Variants in TRPM3 observed in about 807,000 individuals in gnomAD.
TRPM3 encodes the protein long transient receptor potential channel 3.
TRPM3 carries 77 observed loss-of-function variants against 181.2 expected under a neutral mutation model. The observed-to-expected ratio is 0.42, with a 90% CI of 0.35 to 0.51. The LOEUF is 0.51. TRPM3 is among the 20% of genes least tolerant of loss of function. The pLI is 0.01. For synonymous variants in TRPM3, 745 were observed against 796.4 expected, an observed-to-expected ratio of 0.94 and a Z score of 1.09; for missense variants, 1,759 against 2,196.7, an observed-to-expected ratio of 0.80 and a Z score of 3.98.
chr9:71,314,454 A>G (rs1298852350), intron 1 of TRPM3, among the ~76,000 whole-genome samples: 4 of 152,160 alleles, frequency 2.6e-5, no homozygotes, highest in African/African-American at 9.7e-5. Flanking sequence ...TTCTTTTAAA[A>G]TTGGGAAAAT....
chr9:71,173,869 CAA>C (rs2076982467), intron 1 of TRPM3, among the ~76,000 whole-genome samples: 1 of 152,150 alleles, frequency 6.6e-6, no homozygotes, highest in Non-Finnish European at 1.5e-5. Flanking sequence ...TGTTAAAGGA[CAA>C]TGAATTTGGC....
chr9:70,533,928 A>G lies in TRPM3; in HGVS notation c.*2025T>C, dbSNP rs1165708234. On this transcript the variant is annotated 3_prime_UTR_variant, in exon 26 of 26. Coordinates refer to ENST00000677713, the MANE Select transcript of TRPM3 (RefSeq NM_001366145.2). ...GTTTTTTATCTTATATTTAAAGGCC[A>G]TGTATTTACTTGATTTCACAAAATA... The G allele has an allele frequency of 6.6e-6, 1 of 152,216 alleles. No individual in the cohort carries two copies. The highest frequency in any genetic ancestry group is 2.4e-5 in the African/African-American group (1 of 41,462). 9.4% of individuals were successfully genotyped at this position (152,216 alleles called of 1,614,324 possible). A position where few individuals can be genotyped will look rare whatever the true frequency, so the allele number is the denominator to read the frequency against.
intron 1 of TRPM3, among the ~76,000 whole-genome samples, chr9:71,155,740 C>T (rs1236254231): frequency 6.6e-6 from 1 of 151,914 alleles, no homozygotes; most frequent in African/African-American, 2.4e-5. Context: ...AGCAAAGATG[C>T]CAACAATACA....
intron 1 of TRPM3, among the ~76,000 whole-genome samples, chr9:70,988,078 A>T (rs2097438819): frequency 6.6e-6 from 1 of 152,184 alleles, no homozygotes; most frequent in African/African-American, 2.4e-5. Context: ...TTGGTAAAGT[A>T]AGCAAGCTTA....
chr9:71,202,994 A>T (rs758590877), intron 1 of TRPM3, among the ~76,000 whole-genome samples: 68 of 152,204 alleles, frequency 4.5e-4, no homozygotes, highest in Non-Finnish European at 8.4e-4. Context: ...AAATAATACT[A>T]TAGCATTCCC....
intron 1 of TRPM3, among the ~76,000 whole-genome samples, chr9:71,359,229 C>T (rs963758190): frequency 3.3e-5 from 5 of 152,098 alleles, no homozygotes; most frequent in South Asian, 2.1e-4. Flanking sequence ...ACAATCTGTT[C>T]GGTGAAGAGT....
intron 1 of TRPM3, among the ~76,000 whole-genome samples, chr9:70,947,363 C>G (rs528327670): frequency 1.3e-5 from 2 of 152,304 alleles, no homozygotes; most frequent in African/African-American, 2.4e-5. Flanking sequence ...TAGGTCAAAG[C>G]CTGTGCTCTA....
At chr9:70,799,736 T>C (rs2088344419) in intron 6 of TRPM3, among the ~76,000 whole-genome samples, 1 of 152,238 alleles carries the variant, frequency 6.6e-6, no homozygotes, top group East Asian at 1.9e-4. Context: ...CCAGTGCCAG[T>C]CAGTCATCTT....
Position 70,625,445 on chromosome 9 carries a change from C to T in TRPM3, c.1668+37G>A, listed in dbSNP as rs374858796. The T allele has an allele frequency of 8.1e-5, 129 of 1,596,418 alleles. No individual in the cohort carries two copies. The African/African-American group carries it at 1.4e-3, about 17-fold the overall frequency. On this transcript the variant is annotated intron_variant, in intron 13 of 25. Coordinates refer to ENST00000677713, the MANE Select transcript of TRPM3 (RefSeq NM_001366145.2). This position sits in a 1 kb window ranked among gnomAD's most constrained non-coding sequence, Gnocchi z 4.8. Reference sequence around the variant, plus strand: ...AAAAAAAAAATAATGAAAAAAGAAACATATGAATGTATTATTATGCTGGTT... The same window carrying T: ...AAAAAAAAAATAATGAAAAAAGAAATATATGAATGTATTATTATGCTGGTT...
chr9:70,626,329 G>A (rs532368055), intron 12 of TRPM3, among the ~76,000 whole-genome samples: 2 of 152,206 alleles, frequency 1.3e-5, no homozygotes, highest in African/African-American at 4.8e-5. Context: ...TCCTTCTTGC[G>A]GGAGAGCGCT....
chr9:71,157,334 T>C (rs955365915), intron 1 of TRPM3, among the ~76,000 whole-genome samples: 1 of 152,184 alleles, frequency 6.6e-6, no homozygotes, highest in Non-Finnish European at 1.5e-5. Flanking sequence ...AAGATGTCTA[T>C]AATGCTATTA....
chr9:70,620,383 C>T lies in TRPM3; in HGVS notation c.1840-18G>A, dbSNP rs375586055. 1.3e-6 allele frequency: 2 copies of T among 1,593,308 alleles called. No individual in the cohort carries two copies. Among genetic ancestry groups the T allele is most frequent in the South Asian group, 2.3e-5 (2 of 88,256 alleles). Reference sequence around the variant, plus strand: ...ATATCATCCTGTAATTACAGGGAAACCACACAGACTGAGTTAGAAATGAAT... The same window carrying T: ...ATATCATCCTGTAATTACAGGGAAATCACACAGACTGAGTTAGAAATGAAT... On this transcript the variant is annotated intron_variant, in intron 15 of 25. Transcript: ENST00000677713.
intron 1 of TRPM3, among the ~76,000 whole-genome samples, chr9:71,089,519 AATTG>A (rs2065855703): frequency 6.6e-6 from 1 of 151,906 alleles, no homozygotes; most frequent in Non-Finnish European, 1.5e-5. Flanking sequence ...CAGAGCCAGA[AATTG>A]ATTTAGAATT....
At chr9:70,654,400 A>T (rs2059993798) in intron 9 of TRPM3, among the ~76,000 whole-genome samples, 1 of 152,068 alleles carries the variant, frequency 6.6e-6, no homozygotes, top group African/African-American at 2.4e-5. Flanking sequence ...AAGTTATTTA[A>T]AAAAAGGCTT....
chr9:71,366,390 G>A (rs1338534810), intron 1 of TRPM3, among the ~76,000 whole-genome samples: 2 of 152,118 alleles, frequency 1.3e-5, no homozygotes, highest in African/African-American at 4.8e-5. Context: ...CATTGGCCAA[G>A]GAAGGGAGAG....
At chr9:70,972,322 G>A (rs755561725) in intron 1 of TRPM3, among the ~76,000 whole-genome samples, 25 of 152,232 alleles carry the variant, frequency 1.6e-4, no homozygotes, top group Middle Eastern at 3.4e-3. Context: ...GTGAAAGAGC[G>A]TAATGTTTTC....
chr9:70,675,777 T>C (rs977017677), intron 9 of TRPM3, among the ~76,000 whole-genome samples: 4 of 152,230 alleles, frequency 2.6e-5, no homozygotes, highest in African/African-American at 7.2e-5. Flanking sequence ...TGAATATATA[T>C]ATGTGTTTGA....
At chr9:70,748,233 A>G (rs1293848223) in intron 8 of TRPM3, among the ~76,000 whole-genome samples, 2 of 152,164 alleles carry the variant, frequency 1.3e-5, no homozygotes, top group Non-Finnish European at 2.9e-5. Context: ...GCTTCCATTT[A>G]TTCCATTAGC....
chr9:71,289,875 CAAAAAAAA>C (rs71352367), intron 1 of TRPM3, among the ~76,000 whole-genome samples: 4 of 39,774 alleles, frequency 1.0e-4, no homozygotes, highest in Middle Eastern at 0.026. Flanking sequence ...GACTCTGTCT[CAAAAAAAA>C]AAAAAAAAAA....
Sources: gnomAD v4.1 joint callset for allele counts (sites outside exome capture counted in the v4.1 genomes callset) on GRCh38, gnomAD v4.1.1 for gene constraint, Gnocchi (gnomAD v3.1) non-coding constraint, MANE v1.5 for transcripts, NCBI Gene and HGNC (gene_info 2026-07-23, HGNC 2026-07-21) for gene names.